The following WWOX variants were observed in gnomAD, a reference collection of about 807,000 sequenced individuals.
The protein encoded by WWOX is WW domain containing oxidoreductase, also known as WW domain-containing oxidoreductase.
WWOX carries 69 observed loss-of-function variants against 46.2 expected under a neutral mutation model. That is an observed-to-expected ratio of 1.49 (90% CI 1.23 to 1.82). The LOEUF is 1.82. WWOX is among the 40% of genes most tolerant of loss of function. WWOX has a pLI of 0.00. For synonymous variants in WWOX, 359 were observed against 202.6 expected, an observed-to-expected ratio of 1.77 and a Z score of -6.56; for missense variants, 919 against 542.6, an observed-to-expected ratio of 1.69 and a Z score of -6.89.
intron 8 of WWOX, among the ~76,000 whole-genome samples, chr16:78,836,935 T>G (rs1430224633): frequency 6.6e-6 from 1 of 152,012 alleles, no homozygotes; most frequent in Non-Finnish European, 1.5e-5. Flanking sequence ...CAGCAAAATA[T>G]GAGAGATGGA....
At chr16:79,012,112 C>T (rs185168023) in intron 8 of WWOX, among the ~76,000 whole-genome samples, 14 of 152,332 alleles carry the variant, frequency 9.2e-5, no homozygotes, top group African/African-American at 1.4e-4. Context: ...GCAGTGCTCT[C>T]GGCCCGCGCT....
At chr16:78,419,437 A>T (rs1180708122) in intron 6 of WWOX, among the ~76,000 whole-genome samples, 1 of 152,042 alleles carries the variant, frequency 6.6e-6, no homozygotes, top group Non-Finnish European at 1.5e-5. Context: ...ATAAGAATAG[A>T]TCTATAGATA....
intron 8 of WWOX, among the ~76,000 whole-genome samples, chr16:79,163,693 G>A (rs2150754577): frequency 6.6e-6 from 1 of 151,688 alleles, no homozygotes; most frequent in East Asian, 1.9e-4. Flanking sequence ...AGCCACTTTT[G>A]AGGCTGAGGC....
intron 8 of WWOX, among the ~76,000 whole-genome samples, chr16:79,119,421 T>C (rs1488439725): frequency 6.6e-6 from 1 of 152,228 alleles, no homozygotes; most frequent in Non-Finnish European, 1.5e-5. Flanking sequence ...CAATAATACC[T>C]ACTAGAGATT....
intron 8 of WWOX, among the ~76,000 whole-genome samples, chr16:78,497,859 T>C (rs1196404043): frequency 1.6e-5 from 1 of 62,316 alleles, no homozygotes; most frequent in East Asian, 5.4e-4. Context: ...CTGAGAATTA[T>C]AAAAAAATTA....
intron 8 of WWOX, among the ~76,000 whole-genome samples, chr16:79,005,811 C>A (rs974812547): frequency 7.9e-5 from 12 of 152,126 alleles, no homozygotes; most frequent in African/African-American, 2.9e-4. Flanking sequence ...TTTTAGGGAC[C>A]CTTTCAGGCC....
At chr16:78,165,688 A>G (rs965946941) in intron 5 of WWOX, among the ~76,000 whole-genome samples, 2 of 152,202 alleles carry the variant, frequency 1.3e-5, no homozygotes, top group East Asian at 3.9e-4. Context: ...ATTTCTTGCC[A>G]TTTGAAGAAA....
chr16:78,919,366 C>T (rs1263033314), intron 8 of WWOX, among the ~76,000 whole-genome samples: 11 of 151,954 alleles, frequency 7.2e-5, no homozygotes, highest in Non-Finnish European at 1.5e-4. Context: ...TGCATCCAGG[C>T]AGTTGAGTCT....
intron 5 of WWOX, among the ~76,000 whole-genome samples, chr16:78,196,764 G>C (rs2036065919): frequency 6.6e-6 from 1 of 152,174 alleles, no homozygotes. Flanking sequence ...CTTCTGCAAT[G>C]AATTTCATTG....
chr16:78,520,859 A>T (rs2043333239), intron 8 of WWOX, among the ~76,000 whole-genome samples: 1 of 152,072 alleles, frequency 6.6e-6, no homozygotes, highest in Admixed American at 6.6e-5. Context: ...CCTTGGTTGT[A>T]TCTTATAGGC....
chr16:79,036,234 C>G (rs539265512), intron 8 of WWOX, among the ~76,000 whole-genome samples: 1 of 152,352 alleles, frequency 6.6e-6, no homozygotes, highest in Non-Finnish European at 1.5e-5. Flanking sequence ...TCTCCCCACT[C>G]TGTCAACCAT....
chr16:78,884,855 G>A (rs998708404), intron 8 of WWOX, among the ~76,000 whole-genome samples: 1 of 152,190 alleles, frequency 6.6e-6, no homozygotes, highest in Non-Finnish European at 1.5e-5. Context: ...ATATCTGACA[G>A]TTGTTGAGAG....
At chr16:78,126,944 C>A (rs2033387601) in intron 4 of WWOX, among the ~76,000 whole-genome samples, 1 of 152,180 alleles carries the variant, frequency 6.6e-6, no homozygotes, top group South Asian at 2.1e-4. Context: ...TGCATTCTCT[C>A]ATTTGATGAG....
At chr16:78,240,442 G>A (rs1219364885) in intron 5 of WWOX, among the ~76,000 whole-genome samples, 2 of 152,196 alleles carry the variant, frequency 1.3e-5, no homozygotes, top group African/African-American at 4.8e-5. Context: ...ACGGTCATGG[G>A]CAGCCCCCAG....
At chr16:78,223,483 G>C (rs1365776966) in intron 5 of WWOX, among the ~76,000 whole-genome samples, 1 of 152,128 alleles carries the variant, frequency 6.6e-6, no homozygotes, top group Non-Finnish European at 1.5e-5. Flanking sequence ...GGTTGATGGG[G>C]GATGCTTGAG....
intron 4 of WWOX, among the ~76,000 whole-genome samples, chr16:78,144,431 A>G: frequency 6.9e-5 from 1 of 14,570 alleles, no homozygotes; most frequent in South Asian, 2.1e-3. Context: ...TGCCATTACT[A>G]TATATATATA....
intron 8 of WWOX, among the ~76,000 whole-genome samples, chr16:78,626,659 C>A (rs909069561): frequency 3.3e-5 from 5 of 152,116 alleles, no homozygotes; most frequent in African/African-American, 1.2e-4. Context: ...ACACTGCTGC[C>A]TTTGGAGGAG....
chr16:78,615,972 G>A (rs370964238), intron 8 of WWOX, among the ~76,000 whole-genome samples: 3 of 152,202 alleles, frequency 2.0e-5, no homozygotes, highest in East Asian at 3.9e-4. Flanking sequence ...GGATGGTCTC[G>A]ATCTCCTGAC....
chr16:78,302,935 G>A (rs1249146906), intron 5 of WWOX, among the ~76,000 whole-genome samples: 1 of 152,138 alleles, frequency 6.6e-6, no homozygotes, highest in African/African-American at 2.4e-5. Flanking sequence ...CAACTGTAAT[G>A]GTCTTGTTGA....
Sources: gnomAD v4.1 joint callset for allele counts (sites outside exome capture counted in the v4.1 genomes callset) on GRCh38, gnomAD v4.1.1 for gene constraint, MANE v1.5 for transcripts, NCBI Gene and HGNC (gene_info 2026-07-23, HGNC 2026-07-21) for gene names.